Variants in DDT observed in about 807,000 individuals in gnomAD.
DDT encodes D-dopachrome tautomerase, also known as D-dopachrome decarboxylase.
DDT carries 4 observed loss-of-function variants against 2.5 expected under a neutral mutation model. The ratio of observed to expected loss-of-function variants is 1.59; its 90% CI spans 0.78 to 3.63. The LOEUF (loss-of-function observed/expected upper bound fraction) is 3.63. Among genes scored for constraint, DDT ranks in the 30% most tolerant of loss-of-function variants. The pLI, the probability that DDT is intolerant of heterozygous loss-of-function variation, is 0.01. For missense variants in DDT, 32 were observed against 30.0 expected, an observed-to-expected ratio of 1.07 and a Z score of -0.15; for synonymous variants, 11 against 10.0, an observed-to-expected ratio of 1.10 and a Z score of -0.19.
Position 23,971,527 on chromosome 22 carries a change from T to C in DDT, c.*24A>G. 1 of 1,613,220 alleles carries C rather than the reference T, an allele frequency of 6.2e-7. No homozygotes were observed. Among genetic ancestry groups the C allele is most frequent in the Non-Finnish European group, 8.5e-7 (1 of 1,179,486 alleles). On this transcript the variant is annotated 3_prime_UTR_variant, in exon 3 of 3. Coordinates refer to ENST00000398344, the MANE Select transcript of DDT (RefSeq NM_001084392.3). ...CTGGAAGAAGCAGCCAGTTCACAGATGCCCTGGATCCCTCCGTGCCCAATC... is the reference window on the plus strand; with the variant it reads ...CTGGAAGAAGCAGCCAGTTCACAGACGCCCTGGATCCCTCCGTGCCCAATC...
At chr22:23,971,693 G>A in intron 2 of DDT, 70 bp from the exon 3 acceptor site, 1 of 1,429,172 alleles carries the variant, frequency 7.0e-7, no homozygotes, top group Non-Finnish European at 9.7e-7. Context: ...ACCCCTGCCA[G>A]GTACTCCCAC....
intron 2 of DDT, chr22:23,972,138 T>TGA: frequency 1.0e-6 from 1 of 981,226 alleles, no homozygotes; most frequent in South Asian, 4.7e-5. Context: ...ATGAACAGCC[T>TGA]GTCTTCTCAT....
chr22:23,971,960 C>T (rs2033913982), intron 2 of DDT: 2 of 223,348 alleles, frequency 9.0e-6, no homozygotes, highest in Non-Finnish European at 1.7e-5. Context: ...GGGCACAGTA[C>T]CTCAGCCACC....
chr22:23,971,624 C>T lies in DDT; in HGVS notation c.285-1G>A. 1 of 1,613,338 alleles carries T rather than the reference C, an allele frequency of 6.2e-7. No individual in the cohort carries two copies. Among genetic ancestry groups the T allele is most frequent in the Admixed American group, 1.7e-5 (1 of 59,962 alleles). On this transcript the variant is annotated splice_acceptor_variant, in intron 2 of 2. Coordinates refer to ENST00000398344, the MANE Select transcript of DDT (RefSeq NM_001084392.3). LOFTEE classifies it high-confidence loss of function. ...CAAGGGGAAAAAGCGGATAAGTATC[C>T]TTCAGGAGACAGAGAAAAAGATATC...
At chr22:23,971,975 T>C (rs2033914364) in intron 2 of DDT, 1 of 219,546 alleles carries the variant, frequency 4.6e-6, no homozygotes, top group South Asian at 1.4e-4. Context: ...GCCACCTGTT[T>C]TCTCAAAGGC....
chr22:23,972,063 G>T, intron 2 of DDT: 1 of 596,442 alleles, frequency 1.7e-6, no homozygotes. Flanking sequence ...CCTCTCAGAG[G>T]TAACAGCAAG....
chr22:23,971,532 T>G lies in DDT; in HGVS notation c.*19A>C. On this transcript the variant is annotated 3_prime_UTR_variant, in exon 3 of 3. Transcript: ENST00000398344. The stretch of plus-strand genomic sequence containing the variant: ...AGAAGCAGCCAGTTCACAGATGCCC[T>G]GGATCCCTCCGTGCCCAATCATAAA... 1 of 1,613,696 alleles carries G rather than the reference T, an allele frequency of 6.2e-7. No individual in the cohort carries two copies. Among genetic ancestry groups the G allele is most frequent in the Non-Finnish European group, 8.5e-7 (1 of 1,179,756 alleles).
In DDT at chr22:23,971,605, G is replaced by A. The variant is rs751140658; in HGVS notation, c.303C>T (p.Phe101=). The change falls in exon 3 of 3, where the codon TTC becomes TTT. Residue 101 remains phenylalanine, a synonymous_variant. Transcript: ENST00000398344. ...LGQDRILIRF[F]PLESWQIGKI... ...TGCCAATCTGCCAGGACTCCAAGGGGAAAAAGCGGATAAGTATCCTTCAGG... is the reference window on the plus strand; with the variant it reads ...TGCCAATCTGCCAGGACTCCAAGGGAAAAAAGCGGATAAGTATCCTTCAGG... 6 of 1,613,748 alleles carry A rather than the reference G, an allele frequency of 3.7e-6. No homozygotes were observed. Among genetic ancestry groups the A allele is most frequent in the Non-Finnish European group, 5.1e-6 (6 of 1,179,934 alleles).
intron 2 of DDT, chr22:23,972,235 G>A: frequency 1.0e-6 from 1 of 954,988 alleles, no homozygotes; most frequent in Non-Finnish European, 1.2e-6. Flanking sequence ...GGATTGTAAG[G>A]ATCAAATGGG....
At position 23,971,577 on chromosome 22, in the gene DDT, T is replaced by A. The variant is rs766772399; in HGVS notation, c.331A>T (p.Ile111Leu). The change falls in exon 3 of 3, where the codon ATA becomes TTA. Residue 111 changes from isoleucine (I) to leucine (L), a missense_variant. Physicochemically the swap from Ile to Leu is conservative, Grantham distance 5. Coordinates refer to ENST00000398344, the MANE Select transcript of DDT (RefSeq NM_001084392.3). ...FPLESWQIGK[I>L]GTVMTFL ...CATAAAAAAGTCATGACCGTCCCTA[T>A]CTTGCCAATCTGCCAGGACTCCAAG... The A allele has an allele frequency of 5.0e-6, 8 of 1,614,030 alleles. No homozygotes were observed. The highest frequency in any genetic ancestry group is 5.9e-6 in the Non-Finnish European group (7 of 1,180,016).
In DDT at chr22:23,972,242, T is replaced by C. The variant is rs151012842; in HGVS notation, c.285-619A>G. ...GTGGATAGGGATTGTAAGGATCAAA[T>C]GGGATCATGAGTGTAAAGTACCTGT... On this transcript the variant is annotated intron_variant, in intron 2 of 2. Transcript: ENST00000398344. The C allele has an allele frequency of 2.3e-3, 2,211 of 962,924 alleles. 12 individuals carry two copies. The East Asian group carries it at 0.029, about 13-fold the overall frequency. The allele number at this position is 962,924 out of a possible 1,614,324, so 59.6% of individuals were successfully genotyped here.
chr22:23,975,803 CA>C (rs1334177288), upstream of DDT, among the ~76,000 whole-genome samples: 1 of 47,024 alleles, frequency 2.1e-5, no homozygotes, highest in Admixed American at 2.2e-4. Flanking sequence ...CCCCCTCCCC[CA>C]CAAAAAAGAA....
intron 2 of DDT, 168 bp from the exon 3 acceptor site, chr22:23,971,791 G>T: frequency 1.6e-6 from 1 of 644,128 alleles, no homozygotes; most frequent in African/African-American, 1.8e-5. Flanking sequence ...ACCCCCAGCA[G>T]GGCAGTGGGA....
intron 2 of DDT, chr22:23,971,868 C>T (rs1424275093): frequency 1.2e-5 from 6 of 515,416 alleles, no homozygotes; most frequent in South Asian, 5.1e-5. Context: ...ACAGTAGCCT[C>T]GGTGTGTGTG....
chr22:23,971,781 A>C, intron 2 of DDT, 158 bp from the exon 3 acceptor site: 3 of 668,152 alleles, frequency 4.5e-6, no homozygotes, highest in Admixed American at 2.9e-5. Context: ...ATTTTCCCCA[A>C]CCCCCAGCAG....
In DDT at chr22:23,971,885, A is replaced by G. The variant is rs998876221; in HGVS notation, c.285-262T>C. ...AGTAGCCTCGGTGTGTGTGCCGTAC[A>G]CTCTATCATCTCCATCAGTTTGTGT... is the stretch of plus-strand genomic sequence containing the variant. On this transcript the variant is annotated intron_variant, in intron 2 of 2. Coordinates refer to ENST00000398344, the MANE Select transcript of DDT (RefSeq NM_001084392.3). 8 of 448,050 alleles carry G rather than the reference A, an allele frequency of 1.8e-5. 1 individual carries two copies. The South Asian group carries it at 2.4e-4, about 13-fold the overall frequency. The allele number at this position is 448,050 out of a possible 1,614,324, so 27.8% of individuals were successfully genotyped here. A position where few individuals can be genotyped will look rare whatever the true frequency, so the allele number is the denominator to read the frequency against.
At chr22:23,971,872 G>A in intron 2 of DDT, 2 of 507,382 alleles carry the variant, frequency 3.9e-6, no homozygotes, top group South Asian at 5.2e-5. Flanking sequence ...TAGCCTCGGT[G>A]TGTGTGCCGT....
chr22:23,972,156 T>C (rs1464959283), intron 2 of DDT: 15 of 974,480 alleles, frequency 1.5e-5, no homozygotes, highest in African/African-American at 1.8e-5. Flanking sequence ...CATCATAAAA[T>C]TGGCATAATG....
At position 23,971,382 on chromosome 22, in the gene DDT, A is replaced by C; in HGVS notation, c.*169T>G. The C allele has an allele frequency of 6.2e-7, 1 of 1,613,872 alleles. No individual in the cohort carries two copies. The highest frequency in any genetic ancestry group is 8.5e-7 in the Non-Finnish European group (1 of 1,179,898). ...GTAAGAAGTCATGTTTGAATGAGGA[A>C]GCTCTCTTCATTTATTTCATATGAG... On this transcript the variant is annotated 3_prime_UTR_variant, in exon 3 of 3. Transcript: ENST00000398344.
Sources: gnomAD v4.1 joint callset for allele counts (sites outside exome capture counted in the v4.1 genomes callset) on GRCh38, gnomAD v4.1.1 for gene constraint, MANE v1.5 for transcripts, NCBI Gene and HGNC (gene_info 2026-07-23, HGNC 2026-07-21) for gene names.